The following TEX11 variants were observed in gnomAD, a reference collection of about 807,000 sequenced individuals.
TEX11 encodes testis-expressed protein 11.
A neutral mutation model predicts 84.4 loss-of-function variants in TEX11; 7 were observed. That is an observed-to-expected ratio of 0.08 (90% confidence interval 0.05 to 0.16). The LOEUF (loss-of-function observed/expected upper bound fraction) is 0.16, where lower values mean the gene tolerates loss of function less well. Ranked by LOEUF, TEX11 falls within the 10% of genes least tolerant of loss-of-function variation. The pLI, the probability that TEX11 is intolerant of heterozygous loss-of-function variation, is 1.00. For missense variants in TEX11, 551 were observed against 660.5 expected, an observed-to-expected ratio of 0.83 and a Z score of 1.82; for synonymous variants, 264 against 222.8, an observed-to-expected ratio of 1.18 and a Z score of -1.64.
intron 2 of TEX11, among the ~76,000 whole-genome samples, chrX:70,881,726 G>A (rs941863553): frequency 9.1e-6 from 1 of 110,360 alleles, no homozygotes; most frequent in Non-Finnish European, 1.9e-5. Flanking sequence ...TACTATGTAC[G>A]TATAAAAATA....
At chrX:70,535,770 T>C (rs1282505501) in intron 28 of TEX11, among the ~76,000 whole-genome samples, 3 of 107,621 alleles carry the variant, frequency 2.8e-5, no homozygotes, top group Admixed American at 2.0e-4. Flanking sequence ...ACAAAACTTA[T>C]GGGTTTTTTT....
chrX:70,620,478 C>T (rs984674431), intron 20 of TEX11, among the ~76,000 whole-genome samples: 3 of 111,884 alleles, frequency 2.7e-5, no homozygotes, highest in Non-Finnish European at 5.6e-5. Flanking sequence ...CACACAGCAA[C>T]AGGGACTCTT....
intron 9 of TEX11, among the ~76,000 whole-genome samples, chrX:70,788,034 G>GAA (rs1326507792): frequency 1.1e-4 from 12 of 109,578 alleles, no homozygotes; most frequent in African/African-American, 3.3e-4. Flanking sequence ...CAAATGGAAA[G>GAA]ATACCCCATG....
Position 70,687,098 on chromosome X carries a change from A to G in TEX11, c.1005-4273T>C, listed in dbSNP as rs1418068177. ...TAATGTAATGAACCTACACATCATT[A>G]TTATCAGGCTGTAACAACATCAAAG... On this transcript the variant is annotated intron_variant, in intron 13 of 29. Transcript: ENST00000374333. Among the ~76,000 whole-genome samples the G allele has an allele frequency of 2.7e-5, 3 of 111,488 alleles. No homozygotes were observed. The Admixed American group carries it at 2.9e-4, about 11-fold the overall frequency.
At chrX:70,721,078 G>C (rs2090555576) in intron 13 of TEX11, among the ~76,000 whole-genome samples, 1 of 111,314 alleles carries the variant, frequency 9.0e-6, no homozygotes, top group African/African-American at 3.3e-5. Context: ...CCTGCAAAAT[G>C]GGGTTAATCA....
intron 10 of TEX11, 137 bp from the exon 11 acceptor site, chrX:70,740,933 CCA>C: frequency 2.5e-6 from 1 of 392,863 alleles, no homozygotes; most frequent in Non-Finnish European, 4.4e-6. Flanking sequence ...CCTTAAGCGA[CCA>C]CAGTCTTGGA....
chrX:70,818,842 G>C (rs905645214), intron 8 of TEX11, among the ~76,000 whole-genome samples: 8 of 111,379 alleles, frequency 7.2e-5, no homozygotes, highest in Non-Finnish European at 1.5e-4. Context: ...ATGTCTGCAA[G>C]AGGTGATTAC....
chrX:70,886,158 C>A (rs745417076), intron 2 of TEX11, among the ~76,000 whole-genome samples: 1 of 111,703 alleles, frequency 9.0e-6, no homozygotes, highest in Non-Finnish European at 1.9e-5. Flanking sequence ...CACTGTAGCA[C>A]TATTCACAAT....
intron 13 of TEX11, among the ~76,000 whole-genome samples, chrX:70,698,731 C>A (rs141465463): frequency 2.9e-5 from 1 of 34,260 alleles, no homozygotes; most frequent in East Asian, 1.1e-3. Flanking sequence ...ATGGGAACCT[C>A]CCAGCTTGAG....
intron 3 of TEX11, among the ~76,000 whole-genome samples, chrX:70,878,330 G>A (rs1198921763): frequency 9.1e-6 from 1 of 109,565 alleles, no homozygotes; most frequent in Non-Finnish European, 1.9e-5. Flanking sequence ...CTGCCACCAC[G>A]CCCGGCTAAT....
chrX:70,794,611 T>C (rs906734233), intron 9 of TEX11, among the ~76,000 whole-genome samples: 1 of 108,522 alleles, frequency 9.2e-6, no homozygotes, highest in African/African-American at 3.4e-5. Flanking sequence ...GGGCTTGGTC[T>C]TGCAATTTGG....
chrX:70,728,571 A>C (rs946100131), intron 11 of TEX11, among the ~76,000 whole-genome samples: 3 of 69,318 alleles, frequency 4.3e-5, no homozygotes, highest in African/African-American at 1.3e-4. Context: ...CATTGCTAGC[A>C]CAGCAGTCTG....
At chrX:70,728,985 CAGCA>C in intron 11 of TEX11, among the ~76,000 whole-genome samples, 1 of 82,892 alleles carries the variant, frequency 1.2e-5, no homozygotes, top group East Asian at 3.8e-4. Context: ...AACGATCAGG[CAGCA>C]ACATTTGCTG....
chrX:70,678,940 C>T (rs1342159296), intron 14 of TEX11, 51 bp from the exon 15 acceptor site: 2 of 638,619 alleles, frequency 3.1e-6, no homozygotes, highest in Non-Finnish European at 4.3e-6. Context: ...TATTGTCTCC[C>T]TCTCCCTCTC....
chrX:70,880,124 G>T lies in TEX11; in HGVS notation c.38-15C>A. 1 of 1,158,550 alleles carries T rather than the reference G, an allele frequency of 8.6e-7. No individual in the cohort carries two copies. ...TTCAACAACTTCTGAAATGACAATGGATGATAAATGTGCTGTGAACTATTA... is the reference window on the plus strand; with the variant it reads ...TTCAACAACTTCTGAAATGACAATGTATGATAAATGTGCTGTGAACTATTA... On this transcript the variant is annotated splice_polypyrimidine_tract_variant and intron_variant, in intron 2 of 29. Coordinates refer to ENST00000374333, the MANE Select transcript of TEX11 (RefSeq NM_031276.3).
intron 28 of TEX11, among the ~76,000 whole-genome samples, chrX:70,532,748 T>A (rs1467343110): frequency 1.1e-5 from 1 of 92,908 alleles, no homozygotes; most frequent in African/African-American, 4.2e-5. Flanking sequence ...TCTCAAAAAA[T>A]AAAATAAAGG....
At chrX:70,872,685 G>T (rs898254240) in intron 4 of TEX11, among the ~76,000 whole-genome samples, 3 of 111,768 alleles carry the variant, frequency 2.7e-5, no homozygotes, top group African/African-American at 6.5e-5. Flanking sequence ...GAGATTTTTG[G>T]TTTTTTTGTT....
chrX:70,752,986 C>A (rs1185043315), intron 9 of TEX11, among the ~76,000 whole-genome samples: 1 of 110,328 alleles, frequency 9.1e-6, no homozygotes, highest in Non-Finnish European at 1.9e-5. Context: ...TCAGCTGACG[C>A]CTGCCCGTGG....
intron 24 of TEX11, among the ~76,000 whole-genome samples, chrX:70,595,661 A>G (rs1235952463): frequency 9.0e-6 from 1 of 111,605 alleles, no homozygotes; most frequent in African/African-American, 3.3e-5. Context: ...AAAAGAACAA[A>G]AATGTTATAT....
Sources: gnomAD v4.1 joint callset for allele counts (sites outside exome capture counted in the v4.1 genomes callset) on GRCh38, gnomAD v4.1.1 for gene constraint, MANE v1.5 for transcripts, NCBI Gene and HGNC (gene_info 2026-07-23, HGNC 2026-07-21) for gene names.